Variants in UBE2D2 observed in about 807,000 individuals in gnomAD.
The protein encoded by UBE2D2 is ubiquitin-conjugating enzyme E2 D2.
Under a neutral mutation model 24.2 loss-of-function variants are expected in UBE2D2, and 2 were observed. The ratio of observed to expected loss-of-function variants is 0.08; its 90% CI spans 0.03 to 0.26. The LOEUF (loss-of-function observed/expected upper bound fraction) is 0.26, where lower values mean the gene tolerates loss of function less well. Ranked by LOEUF, UBE2D2 falls within the 10% of genes least tolerant of loss-of-function variation. The pLI is 1.00. For missense variants in UBE2D2, 44 were observed against 177.6 expected, an observed-to-expected ratio of 0.25 and a Z score of 4.28; for synonymous variants, 58 against 56.5, an observed-to-expected ratio of 1.03 and a Z score of -0.12.
At chr5:139,620,504 GTGATGACACC>G (rs1232844770) in intron 5 of UBE2D2, among the ~76,000 whole-genome samples, 3 of 152,170 alleles carry the variant, frequency 2.0e-5, no homozygotes, top group African/African-American at 7.2e-5. Context: ...AGGGCTTCAG[GTGATGACACC>G]TGACAATAGG....
At chr5:139,606,585 T>C (rs992107106) in intron 2 of UBE2D2, among the ~76,000 whole-genome samples, 1 of 152,244 alleles carries the variant, frequency 6.6e-6, no homozygotes. Flanking sequence ...TTTGGTTTGA[T>C]AGTATTAAAC....
At chr5:139,623,608 G>T (rs772994206) in intron 6 of UBE2D2, 147 bp downstream of exon 6, 2 of 515,798 alleles carry the variant, frequency 3.9e-6, no homozygotes, top group South Asian at 3.7e-5. Context: ...AGAAATATAT[G>T]CATTGAGTAT....
In UBE2D2 at chr5:139,625,137, A is replaced by C. The variant is rs534310927; in HGVS notation, c.399-1619A>C. On this transcript the variant is annotated intron_variant, in intron 6 of 6. Transcript: ENST00000398733. ...CAGTGGCACAATCGTGGCTCACTGC[A>C]GTGTCAAACTCATGGGCTCAAGTGA... 3.6e-4 allele frequency among the ~76,000 whole-genome samples: 51 copies of C among 140,072 alleles called. No homozygotes were observed. In the South Asian group the frequency reaches 0.013, roughly 35 times the overall value. 91.9% of individuals were successfully genotyped at this position (140,072 alleles called of 152,430 possible).
intron 5 of UBE2D2, among the ~76,000 whole-genome samples, chr5:139,619,827 C>T (rs1368985455): frequency 6.6e-6 from 1 of 151,518 alleles, no homozygotes; most frequent in African/African-American, 2.4e-5. Flanking sequence ...CGCGCCATTG[C>T]ACTCCAGCCT....
intron 1 of UBE2D2, among the ~76,000 whole-genome samples, chr5:139,571,929 TA>T (rs929394700): frequency 0.015 from 1,990 of 136,868 alleles, 20 homozygotes; most frequent in African/African-American, 0.037. Flanking sequence ...TTTTCCCCTA[TA>T]AAAAAAAAAA....
chr5:139,547,974 C>T (rs574251952), intron 1 of UBE2D2, among the ~76,000 whole-genome samples: 172 of 151,802 alleles, frequency 1.1e-3, no homozygotes, highest in Middle Eastern at 0.01. Context: ...GGATTACAGG[C>T]GTGAGCCACC....
chr5:139,595,921 T>C (rs1753950188), intron 1 of UBE2D2, among the ~76,000 whole-genome samples: 1 of 133,566 alleles, frequency 7.5e-6, no homozygotes, highest in Non-Finnish European at 1.6e-5. Flanking sequence ...TGAGACAGAG[T>C]CTCACTCTAT....
At position 139,588,337 on chromosome 5, in the gene UBE2D2, G is replaced by A. The variant is rs147301100; in HGVS notation, c.25-12035G>A. On this transcript the variant is annotated intron_variant, in intron 1 of 6. Transcript: ENST00000398733. ...CTGGAGTGGAGTGGAGTGCAGTGGC[G>A]CGATCTCAGCTCACTGCAACCTCCG... Among the ~76,000 whole-genome samples the A allele has an allele frequency of 6.0e-5, 9 of 150,520 alleles. No individual in the cohort carries two copies. In the East Asian group the frequency reaches 1.6e-3, roughly 27 times the overall value.
At position 139,626,817 on chromosome 5, in the gene UBE2D2, G is replaced by A. The variant is rs1010544532; in HGVS notation, c.*16G>A. 3.4e-5 allele frequency: 54 copies of A among 1,607,976 alleles called. No homozygotes were observed. The highest frequency in any genetic ancestry group is 4.5e-5 in the Non-Finnish European group (53 of 1,175,736). On this transcript the variant is annotated 3_prime_UTR_variant, in exon 7 of 7. Coordinates refer to ENST00000398733, the MANE Select transcript of UBE2D2 (RefSeq NM_003339.3). ...TGCGATGTAATTAAAGAAATTATTG[G>A]ATAACCTCTACAAATAAAGATAGGG...
At chr5:139,567,995 C>T (rs967586576) in intron 1 of UBE2D2, among the ~76,000 whole-genome samples, 68 of 152,112 alleles carry the variant, frequency 4.5e-4, no homozygotes, top group Non-Finnish European at 6.9e-4. Context: ...GGGAAGTTAC[C>T]GAAGCATGAT....
At chr5:139,572,096 C>T (rs999283989) in intron 1 of UBE2D2, among the ~76,000 whole-genome samples, 1 of 152,146 alleles carries the variant, frequency 6.6e-6, no homozygotes, top group Admixed American at 6.6e-5. Flanking sequence ...CTAATGATTA[C>T]TTAATTGCCA....
intron 1 of UBE2D2, among the ~76,000 whole-genome samples, chr5:139,592,962 CA>C (rs1248238857): frequency 8.3e-6 from 1 of 120,198 alleles, no homozygotes; most frequent in African/African-American, 4.6e-5. Context: ...CTTAATTTCC[CA>C]AATTAACATG....
chr5:139,617,843 A>G (rs1291489860), intron 5 of UBE2D2, among the ~76,000 whole-genome samples: 1 of 152,218 alleles, frequency 6.6e-6, no homozygotes, highest in Non-Finnish European at 1.5e-5. Flanking sequence ...AAGCAAAAAC[A>G]GACAGTTAAC....
At chr5:139,626,492 A>C (rs2126713157) in intron 6 of UBE2D2, among the ~76,000 whole-genome samples, 1 of 152,272 alleles carries the variant, frequency 6.6e-6, no homozygotes, top group East Asian at 1.9e-4. Context: ...AGGCCAATCA[A>C]GTATGGAATA....
At chr5:139,603,407 GAGGCC>G (rs780732038) in intron 2 of UBE2D2, among the ~76,000 whole-genome samples, 32 of 152,062 alleles carry the variant, frequency 2.1e-4, no homozygotes, top group Admixed American at 5.9e-4. Context: ...AGCACTTTGG[GAGGCC>G]AGGAGTTCAA....
intron 5 of UBE2D2, among the ~76,000 whole-genome samples, chr5:139,618,706 A>G (rs560806765): frequency 2.8e-4 from 43 of 152,260 alleles, no homozygotes; most frequent in African/African-American, 1.0e-3. Context: ...CCAAATGATA[A>G]GGACTGTTAC....
intron 1 of UBE2D2, among the ~76,000 whole-genome samples, chr5:139,585,210 C>CTT (rs561161810): frequency 5.8e-5 from 8 of 137,250 alleles, no homozygotes; most frequent in South Asian, 2.4e-4. Context: ...GCGTGCAGGT[C>CTT]TTTTTTTTTT....
At chr5:139,589,632 A>G (rs1255434756) in intron 1 of UBE2D2, among the ~76,000 whole-genome samples, 1 of 152,214 alleles carries the variant, frequency 6.6e-6, no homozygotes, top group Non-Finnish European at 1.5e-5. Flanking sequence ...TAGAGTTTTT[A>G]AAATACACTT....
rs552432587 is a variant in UBE2D2 at position 139,581,641 on chromosome 5, C to G, written c.25-18731C>G. Among the ~76,000 whole-genome samples the G allele has an allele frequency of 5.2e-4, 79 of 152,036 alleles. 4 individuals are homozygous for G. The South Asian group carries it at 0.015, about 29-fold the overall frequency. ...ATAGGCCTTGCACAATTTTTTGGAG[C>G]CTGAACATAATTTTATGTAGTTTGT... On this transcript the variant is annotated intron_variant, in intron 1 of 6. Coordinates refer to ENST00000398733, the MANE Select transcript of UBE2D2 (RefSeq NM_003339.3).
Sources: allele counts gnomAD v4.1 joint callset (sites outside exome capture counted in the v4.1 genomes callset), GRCh38; gene constraint gnomAD v4.1.1; transcripts MANE v1.5; gene names NCBI Gene and HGNC (gene_info 2026-07-23, HGNC 2026-07-21).